PXDN: variants seen among roughly 807,000 people sequenced by gnomAD.
PXDN encodes the protein peroxidasin.
PXDN carries 77 observed loss-of-function variants against 140.3 expected under a neutral mutation model. That is an observed-to-expected ratio of 0.55 (90% CI 0.46 to 0.66). The LOEUF is 0.66. Ranked by LOEUF, PXDN falls within the 30% of genes least tolerant of loss-of-function variation. The pLI, the probability that PXDN is intolerant of heterozygous loss-of-function variation, is 0.00. For synonymous variants in PXDN, 911 were observed against 857.4 expected, an observed-to-expected ratio of 1.06 and a Z score of -1.09; for missense variants, 1,838 against 2,039.5, an observed-to-expected ratio of 0.90 and a Z score of 1.90.
chr2:1,640,490 T>G (rs1682699624), intron 19 of PXDN, among the ~76,000 whole-genome samples: 1 of 152,178 alleles, frequency 6.6e-6, no homozygotes, highest in Admixed American at 6.5e-5. Flanking sequence ...AAAGAGTATC[T>G]TCAAGACAGA....
intron 1 of PXDN, among the ~76,000 whole-genome samples, chr2:1,702,545 G>C (rs746134553): frequency 6.6e-6 from 1 of 152,240 alleles, no homozygotes; most frequent in Non-Finnish European, 1.5e-5. Flanking sequence ...CAAGGTCGAG[G>C]ACATGCCCAT....
chr2:1,658,027 G>GCTCTCTCTCTCTCTCTCT (rs1156959508), intron 14 of PXDN, among the ~76,000 whole-genome samples: 1 of 4,912 alleles, frequency 2.0e-4, no homozygotes, highest in Non-Finnish European at 4.6e-4. Flanking sequence ...TCAGCTGTGG[G>GCTCTCTCTCTCTCTCTCT]CTCTCTCTCT....
chr2:1,733,047 A>G (rs890516813), intron 1 of PXDN, among the ~76,000 whole-genome samples: 1 of 152,224 alleles, frequency 6.6e-6, no homozygotes, highest in Non-Finnish European at 1.5e-5. Context: ...AATGAAACAC[A>G]TAGAGAAAAA....
chr2:1,635,465 T>C lies in PXDN; in HGVS notation c.4263A>G (p.Glu1421=), dbSNP rs1332492643. The change falls in exon 22 of 23, where the codon GAA becomes GAG. Residue 1421 remains glutamate (E), a synonymous_variant. Transcript: ENST00000252804. ...STTECVDAGG[E]SHANNTKWKK... is the part of the protein sequence containing the mutation. ...TCCACTTGGTGTTGTTGGCGTGAGA[T>C]TCGCCCCCGGCATCCACGCACTCTG... 15 of 1,602,910 alleles carry C rather than the reference T, an allele frequency of 9.4e-6. No individual in the cohort carries two copies. Among genetic ancestry groups the C allele is most frequent in the Non-Finnish European group, 1.3e-5 (15 of 1,174,300 alleles).
At chr2:1,675,814 A>T (rs899620631) in intron 8 of PXDN, among the ~76,000 whole-genome samples, 1 of 100,206 alleles carries the variant, frequency 1.0e-5, no homozygotes, top group Non-Finnish European at 1.8e-5. Context: ...TCAAACAATG[A>T]CTCAGTTTGA....
At position 1,694,126 on chromosome 2, in the gene PXDN, C is replaced by A. The variant is rs563707060; in HGVS notation, c.201-992G>T. Among the ~76,000 whole-genome samples, 6 of 152,310 alleles carry A rather than the reference C, an allele frequency of 3.9e-5. No individual in the cohort carries two copies. The East Asian group carries it at 7.7e-4, about 20-fold the overall frequency. On this transcript the variant is annotated intron_variant, in intron 1 of 22. Coordinates refer to ENST00000252804, the MANE Select transcript of PXDN (RefSeq NM_012293.3). ...AAAATTAAATTCCTTAATCATAGGT[C>A]CAATCTCTTTTAATATCGTCCAGTA...
intron 1 of PXDN, among the ~76,000 whole-genome samples, chr2:1,704,814 T>C (rs1210616150): frequency 6.6e-6 from 1 of 152,130 alleles, no homozygotes; most frequent in Non-Finnish European, 1.5e-5. Flanking sequence ...TTGAATACAA[T>C]GGGAGGCAGC....
At chr2:1,665,279 C>T (rs564630478) in intron 10 of PXDN, among the ~76,000 whole-genome samples, 1 of 152,272 alleles carries the variant, frequency 6.6e-6, no homozygotes, top group South Asian at 2.1e-4. Flanking sequence ...CTCAGCATCA[C>T]CCTGGAAAGC....
intron 8 of PXDN, among the ~76,000 whole-genome samples, chr2:1,676,043 G>C (rs1281003187): frequency 6.6e-6 from 1 of 152,186 alleles, no homozygotes; most frequent in Non-Finnish European, 1.5e-5. Context: ...CACTTTGAAA[G>C]TGCTCCACTC....
chr2:1,657,769 T>C (rs538281128), intron 14 of PXDN, among the ~76,000 whole-genome samples: 1 of 124,238 alleles, frequency 8.0e-6, no homozygotes, highest in East Asian at 2.5e-4. Flanking sequence ...ACCTAGTCCT[T>C]TCCTGACAGG....
At position 1,744,054 on chromosome 2, in the gene PXDN, A is replaced by G. The variant is rs73182756; in HGVS notation, c.200+202T>C. Among the ~76,000 whole-genome samples the G allele has an allele frequency of 0.35, 53,669 of 151,298 alleles. 10,380 individuals carry two copies. Among genetic ancestry groups the G allele is most frequent in the East Asian group, 0.58 (2,879 of 4,968 alleles). ...GCCCCTCGGCGTCTCCCGCAGGGCG[A>G]ACAAAGGCCCAGCGGGTCCCCGCGC... On this transcript the variant is annotated intron_variant, in intron 1 of 22. Coordinates refer to ENST00000252804, the MANE Select transcript of PXDN (RefSeq NM_012293.3).
intron 14 of PXDN, among the ~76,000 whole-genome samples, chr2:1,656,835 G>C (rs1683148068): frequency 7.0e-6 from 1 of 143,574 alleles, no homozygotes. Flanking sequence ...ACCGAAACCT[G>C]TACCCTCTTG....
intron 1 of PXDN, among the ~76,000 whole-genome samples, chr2:1,702,604 C>A (rs1363982570): frequency 6.6e-6 from 1 of 152,148 alleles, no homozygotes; most frequent in South Asian, 2.1e-4. Flanking sequence ...GTCTTCAGGG[C>A]ACAGCTTGTT....
intron 9 of PXDN, among the ~76,000 whole-genome samples, chr2:1,673,051 T>C (rs1036504314): frequency 3.3e-5 from 5 of 152,186 alleles, no homozygotes; most frequent in Admixed American, 2.6e-4. Flanking sequence ...GCCCAGCTCC[T>C]CTTCTGAGCA....
chr2:1,649,616 C>T lies in PXDN; in HGVS notation c.2164G>A (p.Gly722Ser). The T allele has an allele frequency of 6.2e-7, 1 of 1,613,876 alleles. No individual in the cohort carries two copies. Among genetic ancestry groups the T allele is most frequent in the Non-Finnish European group, 8.5e-7 (1 of 1,179,858 alleles). ...QYLNLIANLS[G>S]CTAHRRVNNC... ...TTCACGCGCCGGTGGGCGGTACAGC[C>T]CGACAGGTTTGCGATGAGGTTCAGG... is the stretch of plus-strand genomic sequence containing the variant. Residue 722 changes from glycine to serine, a missense_variant, in exon 17 of 23, where the codon GGC becomes AGC. Physicochemically the swap from Gly to Ser is moderately conservative, Grantham distance 56. Coordinates refer to ENST00000252804, the MANE Select transcript of PXDN (RefSeq NM_012293.3). This position sits in a 1 kb window ranked among gnomAD's most constrained non-coding sequence, Gnocchi z 7.1.
intron 3 of PXDN, among the ~76,000 whole-genome samples, chr2:1,688,056 G>T (rs1333658454): frequency 6.6e-6 from 1 of 152,186 alleles, no homozygotes; most frequent in African/African-American, 2.4e-5. Flanking sequence ...TAATGCATTG[G>T]CTGTAAGATT....
chr2:1,673,332 G>C (rs1683619566), intron 9 of PXDN, among the ~76,000 whole-genome samples: 1 of 152,064 alleles, frequency 6.6e-6, no homozygotes, highest in Admixed American at 6.6e-5. Context: ...GATGGCGCCT[G>C]GGGGGTGGGG....
Position 1,663,628 on chromosome 2 carries a change from G to A in PXDN, c.1544C>T (p.Ala515Val), listed in dbSNP as rs752716160. 24 of 1,613,874 alleles carry A rather than the reference G, an allele frequency of 1.5e-5. No homozygotes were observed. Among genetic ancestry groups the A allele is most frequent in the Non-Finnish European group, 1.9e-5 (23 of 1,179,906 alleles). ...VNIIGSQKVV[A>V]HLTVQPRVTP... ...ACCTCTGGGCTGCACAGTCAGGTGG[G>A]CCACGACCTTCTGGGAGCCGATGAT... Residue 515 changes from alanine to valine, a missense_variant, in exon 12 of 23, where the codon GCC becomes GTC. Ala to Val is a moderately conservative substitution (Grantham distance 64). This residue lies in a region of PXDN where 537 missense variants were observed against 583.9 expected (regional missense o/e 0.92). Coordinates refer to ENST00000252804, the MANE Select transcript of PXDN (RefSeq NM_012293.3).
At chr2:1,689,612 G>A (rs531226119) in intron 3 of PXDN, among the ~76,000 whole-genome samples, 9 of 152,184 alleles carry the variant, frequency 5.9e-5, no homozygotes, top group East Asian at 3.9e-4. Context: ...GTGAAACTCC[G>A]TCTCTATTAA....
Sources: allele counts gnomAD v4.1 joint callset (sites outside exome capture counted in the v4.1 genomes callset), GRCh38; gene constraint gnomAD v4.1.1; regional missense constraint gnomAD v4.1.1; non-coding constraint Gnocchi (gnomAD v3.1); transcripts MANE v1.5; gene names NCBI Gene and HGNC (gene_info 2026-07-23, HGNC 2026-07-21).